PPRC1: variants seen among roughly 807,000 people sequenced by gnomAD.
PPRC1 encodes peroxisome proliferator-activated receptor gamma coactivator-related protein 1.
PPRC1 carries 23 observed loss-of-function variants against 132.5 expected under a neutral mutation model. The observed-to-expected ratio is 0.17, with a 90% CI of 0.12 to 0.25. The LOEUF (loss-of-function observed/expected upper bound fraction) is 0.25. PPRC1 is among the 10% of genes least tolerant of loss of function. The pLI, the probability that PPRC1 is intolerant of heterozygous loss-of-function variation, is 1.00. For missense variants in PPRC1, 2,006 were observed against 2,089.1 expected (o/e 0.96, Z 0.78); for synonymous variants, 872 against 833.5 (o/e 1.05, Z -0.80).
chr10:102,141,261 C>T lies in PPRC1; in HGVS notation c.2753C>T (p.Ala918Val). 2 of 1,614,090 alleles carry T rather than the reference C, an allele frequency of 1.2e-6. No homozygotes were observed. The highest frequency in any genetic ancestry group is 2.2e-5 in the South Asian group (2 of 91,088). ...CTACCTGATCCGTTTACTCACTATG[C>T]CCCCTTGCCATCCTGGCCTTGTTAT... ...PVLPDPFTHYAPLPSWPCYPH... is the reference protein window; with the variant it reads ...PVLPDPFTHYVPLPSWPCYPH... Residue 918 changes from alanine to valine, a missense_variant, in exon 5 of 14, where the codon GCC (alanine) becomes GTC (valine). Ala to Val is a moderately conservative substitution (Grantham distance 64). Around this residue, in one of 2 missense-constraint regions of PPRC1, gnomAD observed 1,914 missense variants for 1,917.2 expected, o/e 1.00. Transcript: ENST00000278070.
At position 102,141,725 on chromosome 10, in the gene PPRC1, C is replaced by T; in HGVS notation, c.3217C>T (p.Leu1073=). ...CCATCCGAAACACAAGGTGTCTGCC[C>T]TGGTGCAAAGTCCCCAGATGAAGGC... The part of the protein sequence containing the change: ...SPHPKHKVSA[L]VQSPQMKALA... The change falls in exon 5 of 14, where the codon CTG becomes TTG. Residue 1073 remains leucine (L), a synonymous_variant. Coordinates refer to ENST00000278070, the MANE Select transcript of PPRC1 (RefSeq NM_015062.5). 1.2e-6 allele frequency: 2 copies of T among 1,614,004 alleles called. No homozygotes were observed. Among genetic ancestry groups the T allele is most frequent in the South Asian group, 1.1e-5 (1 of 91,046 alleles).
At chr10:102,149,831 C>T (rs1187223431) in intron 13 of PPRC1, 95 bp from the exon 14 acceptor site, 25 of 936,298 alleles carry the variant, frequency 2.7e-5, no homozygotes, top group Non-Finnish European at 4.2e-5. Context: ...GTTTTCACTC[C>T]ATCCGTTTTT....
Position 102,140,528 on chromosome 10 carries a change from G to A in PPRC1, c.2020G>A (p.Val674Ile). The change falls in exon 5 of 14, where the codon GTT (valine) becomes ATT (isoleucine). Residue 674 changes from valine to isoleucine, a missense_variant. Coordinates refer to ENST00000278070, the MANE Select transcript of PPRC1 (RefSeq NM_015062.5). The part of the protein sequence containing the change: ...APVDLALVDP[V>I]PNDLTPVDPV... ...AGTTGATCTAGCACTGGTTGACCCT[G>A]TTCCTAATGACCTGACTCCAGTTGA... is the stretch of plus-strand genomic sequence containing the variant. The A allele has an allele frequency of 6.2e-7, 1 of 1,614,092 alleles. No individual in the cohort carries two copies. The highest frequency in any genetic ancestry group is 8.5e-7 in the Non-Finnish European group (1 of 1,180,028).
upstream of PPRC1, chr10:102,132,852 G>C (rs1319262898): frequency 3.6e-6 from 2 of 549,650 alleles, no homozygotes; most frequent in African/African-American, 3.9e-5. Context: ...GATGCCTGCA[G>C]CTAGTGCCAA....
In PPRC1 at chr10:102,141,146, C is replaced by A. The variant is rs940907346; in HGVS notation, c.2638C>A (p.Pro880Thr). The A allele has an allele frequency of 2.5e-6, 4 of 1,613,882 alleles. No individual in the cohort carries two copies. The highest frequency in any genetic ancestry group is 3.4e-6 in the Non-Finnish European group (4 of 1,179,936). Residue 880 changes from proline (P) to threonine (T), a missense_variant, in exon 5 of 14, where the codon CCT becomes ACT. Coordinates refer to ENST00000278070, the MANE Select transcript of PPRC1 (RefSeq NM_015062.5). ...ACCTCCCTCGATGTCTGCTGCCCTGCCTTTCCCTGCAGGTGGGCTTGGCAT... is the reference window on the plus strand; with the variant it reads ...ACCTCCCTCGATGTCTGCTGCCCTGACTTTCCCTGCAGGTGGGCTTGGCAT... ...PTPPSMSAAL[P>T]FPAGGLGMPP...
chr10:102,146,530 G>A (rs2069251878), intron 8 of PPRC1, 142 bp from the exon 9 acceptor site: 2 of 1,189,794 alleles, frequency 1.7e-6, no homozygotes, highest in South Asian at 1.6e-5. Flanking sequence ...GGCAGTTGAA[G>A]CAGTGGGAAA....
intron 1 of PPRC1, among the ~76,000 whole-genome samples, chr10:102,134,013 T>C (rs1393730584): frequency 3.3e-5 from 5 of 151,830 alleles, no homozygotes; most frequent in African/African-American, 1.2e-4. Flanking sequence ...GGGCTGAGGC[T>C]GAAGGGTTGT....
At position 102,148,819 on chromosome 10, in the gene PPRC1, A is replaced by G. The variant is rs769749652; in HGVS notation, c.4620A>G (p.Glu1540=). 1 of 1,614,054 alleles carries G rather than the reference A, an allele frequency of 6.2e-7. No individual in the cohort carries two copies. The highest frequency in any genetic ancestry group is 8.5e-7 in the Non-Finnish European group (1 of 1,180,052). The part of the protein sequence containing the change: ...QRVLQKERAI[E]ERRVVFIGKI... Reference sequence around the variant, plus strand: ...TTTTTTTTCATTTCCAAACATAGGAAGAAAGAAGGGTGGTCTTCATTGGAA... The same window carrying G: ...TTTTTTTTCATTTCCAAACATAGGAGGAAAGAAGGGTGGTCTTCATTGGAA... Residue 1540 remains glutamate, a splice_region_variant and synonymous_variant, in exon 12 of 14, where the codon GAA becomes GAG. Coordinates refer to ENST00000278070, the MANE Select transcript of PPRC1 (RefSeq NM_015062.5). The surrounding 1 kb of genome is among the most constrained non-coding windows in gnomAD (Gnocchi z 4.2).
chr10:102,137,999 C>G lies in PPRC1; in HGVS notation c.303C>G (p.Ser101=), dbSNP rs775669693. The change falls in exon 2 of 14, where the codon TCC becomes TCG. Residue 101 remains serine, a synonymous_variant. Coordinates refer to ENST00000278070, the MANE Select transcript of PPRC1 (RefSeq NM_015062.5). ...LGTMQSYMDA[S]LISLIEDFGS... ...CCATGCAGAGCTACATGGATGCCTC[C>G]CTTATCTCCCTCATTGAGGATTTTG... The G allele has an allele frequency of 6.2e-7, 1 of 1,613,786 alleles. No individual in the cohort carries two copies. Among genetic ancestry groups the G allele is most frequent in the Non-Finnish European group, 8.5e-7 (1 of 1,179,966 alleles).
upstream of PPRC1, among the ~76,000 whole-genome samples, chr10:102,130,260 C>T (rs891444269): frequency 2.0e-5 from 3 of 151,230 alleles, no homozygotes; most frequent in Non-Finnish European, 4.4e-5. Context: ...ACTAAATATA[C>T]AAAAAAATTA....
rs757525024 is a variant in PPRC1, at chr10:102,140,820, G to A, written c.2312G>A (p.Ser771Asn). The change falls in exon 5 of 14, where the codon AGT becomes AAT. Residue 771 changes from serine (S) to asparagine (N), a missense_variant. By Grantham distance (46) the Ser-to-Asn change is conservative (BLOSUM62 1). This residue lies in a region of PPRC1 where 1,914 missense variants were observed against 1,917.2 expected (regional missense o/e 1.00). Transcript: ENST00000278070. ...CGCCAAGCAGAAACAGAAGAGAGAA[G>A]TCCACAGCCCCCAACTGGGAAGTGG... is the stretch of plus-strand genomic sequence containing the variant. The part of the protein sequence containing the change: ...QQRQAETEER[S>N]PQPPTGKWPS... 4 of 1,613,790 alleles carry A rather than the reference G, an allele frequency of 2.5e-6. No homozygotes were observed. The highest frequency in any genetic ancestry group is 1.3e-5 in the African/African-American group (1 of 74,886).
intron 5 of PPRC1, among the ~76,000 whole-genome samples, chr10:102,142,688 A>G (rs2069048045): frequency 6.6e-6 from 1 of 152,126 alleles, no homozygotes; most frequent in East Asian, 1.9e-4. Flanking sequence ...TGCTGGGATT[A>G]CAGGTGTAAG....
In PPRC1 at chr10:102,148,970, TTCTATCCCATTCA is replaced by T. The variant is rs780017170; in HGVS notation, c.4739+37_4739+49del. 2 of 1,609,828 alleles carry T rather than the reference TTCTATCCCATTCA, an allele frequency of 1.2e-6. No individual in the cohort carries two copies. Among genetic ancestry groups the T allele is most frequent in the Admixed American group, 1.7e-5 (1 of 59,106 alleles). ...TTGGGCCCCAGGCTCAGGATGTTCTTTCTATCCCATTCATCTACCTTGGTGTTTCTTTGTCTTG... is the reference window on the plus strand; with the variant it reads ...TTGGGCCCCAGGCTCAGGATGTTCTTTCTACCTTGGTGTTTCTTTGTCTTG... On this transcript the variant is annotated intron_variant, in intron 12 of 13. Transcript: ENST00000278070. The surrounding 1 kb of genome is among the most constrained non-coding windows in gnomAD (Gnocchi z 4.2).
chr10:102,141,922 C>T lies in PPRC1; in HGVS notation c.3414C>T (p.Ala1138=). 1 of 1,614,138 alleles carries T rather than the reference C, an allele frequency of 6.2e-7. No homozygotes were observed. The highest frequency in any genetic ancestry group is 8.5e-7 in the Non-Finnish European group (1 of 1,180,010). The change falls in exon 5 of 14, where the codon GCC becomes GCT. Residue 1138 remains alanine, a synonymous_variant. Coordinates refer to ENST00000278070, the MANE Select transcript of PPRC1 (RefSeq NM_015062.5). ...CCAAGCTGCCTGCTGTCCACCCAGC[C>T]CGTCTAAGGAAGCTGTCCTTCCTGC... ...TVPKLPAVHP[A]RLRKLSFLPT...
At chr10:102,134,605 T>C (rs1361936685) in intron 1 of PPRC1, among the ~76,000 whole-genome samples, 2 of 152,160 alleles carry the variant, frequency 1.3e-5, no homozygotes, top group African/African-American at 2.4e-5. Context: ...TCCAGGCCCT[T>C]GCCCAGGGGA....
intron 2 of PPRC1, 99 bp from the exon 3 acceptor site, chr10:102,138,520 T>C (rs1054685574): frequency 8.3e-6 from 12 of 1,441,970 alleles, no homozygotes; most frequent in Non-Finnish European, 1.0e-5. Flanking sequence ...ATTAGCTGAG[T>C]TGAACCTGGG....
the PPRC1 span, among the ~76,000 whole-genome samples, chr10:102,127,018 A>G: frequency 5.7e-5 from 4 of 69,762 alleles, no homozygotes; most frequent in African/African-American, 2.3e-4. Flanking sequence ...ATGGTTTTTT[A>G]TCATATATAT....
At position 102,143,085 on chromosome 10, in the gene PPRC1, T is replaced by C; in HGVS notation, c.3537T>C (p.Phe1179=). 6.2e-7 allele frequency: 1 copy of C among 1,613,384 alleles called. No homozygotes were observed. Among genetic ancestry groups the C allele is most frequent in the Non-Finnish European group, 8.5e-7 (1 of 1,179,344 alleles). ...ASDLSSLLEQ[F]EKSEAKKECP... Reference sequence around the variant, plus strand: ...ACCTGTCCAGTCTGCTGGAGCAGTTTGAGAAATCAGAAGGTGAGGGAACAT... The same window carrying C: ...ACCTGTCCAGTCTGCTGGAGCAGTTCGAGAAATCAGAAGGTGAGGGAACAT... Residue 1179 remains phenylalanine, a synonymous_variant, in exon 6 of 14, where the codon TTT becomes TTC. Coordinates refer to ENST00000278070, the MANE Select transcript of PPRC1 (RefSeq NM_015062.5).
chr10:102,150,037 C>G lies in PPRC1; in HGVS notation c.*8C>G, dbSNP rs751579197. On this transcript the variant is annotated 3_prime_UTR_variant, in exon 14 of 14. Coordinates refer to ENST00000278070, the MANE Select transcript of PPRC1 (RefSeq NM_015062.5). ...AAGAACCTCAGGAGGTAACCTTGGG[C>G]CCTTCCCTGCTATCCTTTTTCTCCT... is the stretch of plus-strand genomic sequence containing the variant. 7 of 1,590,936 alleles carry G rather than the reference C, an allele frequency of 4.4e-6. No individual in the cohort carries two copies. The African/African-American group carries it at 9.4e-5, about 21-fold the overall frequency.
Sources: gnomAD v4.1 joint callset for allele counts (sites outside exome capture counted in the v4.1 genomes callset) on GRCh38, gnomAD v4.1.1 for gene constraint, gnomAD v4.1.1 regional missense constraint, Gnocchi (gnomAD v3.1) non-coding constraint, MANE v1.5 for transcripts, NCBI Gene and HGNC (gene_info 2026-07-23, HGNC 2026-07-21) for gene names.